The following SYT10 variants were observed in gnomAD, a reference collection of about 807,000 sequenced individuals.
The protein encoded by SYT10 is synaptotagmin 10.
SYT10 carries 31 observed loss-of-function variants against 51.1 expected under a neutral mutation model. The ratio of observed to expected loss-of-function variants is 0.61; its 90% CI spans 0.46 to 0.82. The LOEUF (loss-of-function observed/expected upper bound fraction) is 0.82. Ranked by LOEUF, SYT10 falls within the 40% of genes least tolerant of loss-of-function variation. The pLI is 0.00. For synonymous variants in SYT10, 233 were observed against 225.9 expected (o/e 1.03, Z -0.28); for missense variants, 603 against 634.0 (o/e 0.95, Z 0.53).
At position 33,375,125 on chromosome 12, in the gene SYT10, A is replaced by G. The variant is rs1866051441; in HGVS notation, c.*1705T>C. 6.6e-6 allele frequency: 1 copy of G among 151,998 alleles called. No individual in the cohort carries two copies. The highest frequency in any genetic ancestry group is 2.1e-4 in the South Asian group (1 of 4,836). The allele number at this position is 151,998 out of a possible 1,614,324, so 9.4% of individuals were successfully genotyped here. On this transcript the variant is annotated 3_prime_UTR_variant, in exon 7 of 7. Transcript: ENST00000228567. ...AAATGTTTCCAAACAGCTTTCTTCT[A>G]TTATTTTCAATGAGAAAATGTTAGC...
intron 6 of SYT10, 72 bp downstream of exon 6, chr12:33,379,760 G>T: frequency 1.3e-6 from 2 of 1,567,806 alleles, no homozygotes; most frequent in African/African-American, 1.4e-5. Context: ...ATCAGATAAA[G>T]GTTAGCAAAT....
chr12:33,381,873 C>A (rs7973722), intron 5 of SYT10, among the ~76,000 whole-genome samples: 28,700 of 152,102 alleles, frequency 0.19, 3,044 homozygotes, highest in South Asian at 0.28. Flanking sequence ...TATTCACTTT[C>A]CACTCTTACT....
Position 33,382,367 on chromosome 12 carries a change from G to C in SYT10, c.1352C>G (p.Ala451Gly). ...ENVDQVSLSI[A>G]VMDYDRVGHN... ...CACATACCTATCGTAATCCATGACC[G>C]CAATGGAGAGGCTGACCTGGTCCAC... is the stretch of plus-strand genomic sequence containing the variant. The change falls in exon 5 of 7, where the codon GCG becomes GGG. Residue 451 changes from alanine to glycine, a missense_variant. Coordinates refer to ENST00000228567, the MANE Select transcript of SYT10 (RefSeq NM_198992.4). 6.2e-7 allele frequency: 1 copy of C among 1,606,628 alleles called. No homozygotes were observed. Among genetic ancestry groups the C allele is most frequent in the South Asian group, 1.1e-5 (1 of 89,862 alleles).
At chr12:33,420,404 T>C (rs11610184) in intron 2 of SYT10, among the ~76,000 whole-genome samples, 3,893 of 152,174 alleles carry the variant, frequency 0.026, 68 homozygotes, top group Middle Eastern at 0.044. Flanking sequence ...TGTAGAAGAC[T>C]AGGAGGCTGA....
intron 3 of SYT10, among the ~76,000 whole-genome samples, chr12:33,386,529 C>G (rs1197841290): frequency 6.6e-6 from 1 of 151,754 alleles, no homozygotes; most frequent in East Asian, 1.9e-4. Flanking sequence ...TCTCTTAAAT[C>G]TTTATATGGC....
At chr12:33,387,716 A>G (rs1591982742) in intron 3 of SYT10, among the ~76,000 whole-genome samples, 2 of 151,876 alleles carry the variant, frequency 1.3e-5, no homozygotes, top group East Asian at 3.9e-4. Flanking sequence ...CTACTGCTGA[A>G]GAAGGAACAC....
At chr12:33,418,940 A>G (rs868291155) in intron 2 of SYT10, among the ~76,000 whole-genome samples, 43 of 152,174 alleles carry the variant, frequency 2.8e-4, no homozygotes, top group African/African-American at 1.0e-3. Context: ...TATTACTCAG[A>G]GTAAAAGTCA....
intron 3 of SYT10, among the ~76,000 whole-genome samples, chr12:33,403,537 T>C (rs1237119550): frequency 6.6e-6 from 1 of 152,140 alleles, no homozygotes; most frequent in Non-Finnish European, 1.5e-5. Flanking sequence ...GCCTGGCCAA[T>C]AGTCTTTTAA....
At position 33,439,447 on chromosome 12, in the gene SYT10, C is replaced by T; in HGVS notation, c.76G>A (p.Ala26Thr). Reference sequence around the variant, plus strand: ...CACTTCTCCCACTCCACCTGGCCGGCGAAGCACAGCTCGGTGACGATGTGC... The same window carrying T: ...CACTTCTCCCACTCCACCTGGCCGGTGAAGCACAGCTCGGTGACGATGTGC... ...ALHIVTELCFAGQVEWEKCSG... is the reference protein window; with the variant it reads ...ALHIVTELCFTGQVEWEKCSG... The change falls in exon 1 of 7, where the codon GCC becomes ACC. Residue 26 changes from alanine (A) to threonine (T), a missense_variant. Transcript: ENST00000228567. 6.2e-7 allele frequency: 1 copy of T among 1,614,220 alleles called. No homozygotes were observed. The highest frequency in any genetic ancestry group is 8.5e-7 in the Non-Finnish European group (1 of 1,180,024).
intron 3 of SYT10, among the ~76,000 whole-genome samples, chr12:33,397,217 T>C (rs1287894058): frequency 6.6e-6 from 1 of 152,136 alleles, no homozygotes; most frequent in Non-Finnish European, 1.5e-5. Flanking sequence ...AGGAAACAGA[T>C]GGCACACACA....
intron 4 of SYT10, among the ~76,000 whole-genome samples, chr12:33,384,260 A>G (rs1385637532): frequency 1.3e-5 from 2 of 152,160 alleles, no homozygotes; most frequent in Non-Finnish European, 1.5e-5. Flanking sequence ...CATAATATTC[A>G]TGTTAATTTT....
chr12:33,396,410 A>G (rs776445935), intron 3 of SYT10, among the ~76,000 whole-genome samples: 3 of 152,198 alleles, frequency 2.0e-5, no homozygotes, highest in Non-Finnish European at 4.4e-5. Context: ...TTATATAATT[A>G]ATGGTCACAA....
chr12:33,394,240 A>G (rs1283264376), intron 3 of SYT10, among the ~76,000 whole-genome samples: 4 of 152,214 alleles, frequency 2.6e-5, no homozygotes, highest in Admixed American at 2.6e-4. Context: ...CATGAATAAA[A>G]TGGGTATCCA....
In SYT10 at chr12:33,375,577, T is replaced by C. The variant is rs1439104342; in HGVS notation, c.*1253A>G. 6.6e-6 allele frequency: 1 copy of C among 152,104 alleles called. No individual in the cohort carries two copies. The highest frequency in any genetic ancestry group is 1.5e-5 in the Non-Finnish European group (1 of 67,978). 9.4% of individuals were successfully genotyped at this position (152,104 alleles called of 1,614,324 possible). On this transcript the variant is annotated 3_prime_UTR_variant, in exon 7 of 7. Transcript: ENST00000228567. The stretch of plus-strand genomic sequence containing the variant: ...TGACCTGACTTAAAAGAAAGTTCTG[T>C]CTTGTAAAAACACTTGCATAGTTTT...
At chr12:33,382,601 T>C in intron 4 of SYT10, 81 bp from the exon 5 acceptor site, 1 of 1,339,710 alleles carries the variant, frequency 7.5e-7, no homozygotes, top group Non-Finnish European at 9.9e-7. Flanking sequence ...TTTTACTAAA[T>C]AAGACCTATA....
At chr12:33,381,006 G>C (rs17573213) in intron 5 of SYT10, among the ~76,000 whole-genome samples, 19,182 of 151,866 alleles carry the variant, frequency 0.13, 1,544 homozygotes, top group Admixed American at 0.19. Flanking sequence ...CAAAAATTTT[G>C]TCTTCCTGTG....
At chr12:33,412,579 T>C (rs1357379551) in intron 2 of SYT10, among the ~76,000 whole-genome samples, 1 of 152,066 alleles carries the variant, frequency 6.6e-6, no homozygotes, top group Non-Finnish European at 1.5e-5. Flanking sequence ...TTGAAAGTAA[T>C]GGTAAAAACC....
chr12:33,420,273 A>C (rs1866490964), intron 2 of SYT10, among the ~76,000 whole-genome samples: 1 of 152,158 alleles, frequency 6.6e-6, no homozygotes, highest in South Asian at 2.1e-4. Flanking sequence ...CTTTTAATGT[A>C]TTTCATCATA....
Position 33,426,262 on chromosome 12 carries a change from G to A in SYT10, c.385C>T (p.Pro129Ser), listed in dbSNP as rs201984093. Residue 129 changes from proline to serine, a missense_variant, in exon 2 of 7, where the codon CCT becomes TCT. Physicochemically the swap from Pro to Ser is moderately conservative, Grantham distance 74. Coordinates refer to ENST00000228567, the MANE Select transcript of SYT10 (RefSeq NM_198992.4). Reference sequence around the variant, plus strand: ...GAAGTGTGGCTGATTTTTATTGCAGGCTCAATAGCTTTTACGGCTGGCTTT... The same window carrying A: ...GAAGTGTGGCTGATTTTTATTGCAGACTCAATAGCTTTTACGGCTGGCTTT... ...NEKPAVKAIE[P>S]AIKISHTSPD... 4 of 1,614,068 alleles carry A rather than the reference G, an allele frequency of 2.5e-6. No individual in the cohort carries two copies. Among genetic ancestry groups the A allele is most frequent in the Non-Finnish European group, 3.4e-6 (4 of 1,180,010 alleles).
Sources: allele counts gnomAD v4.1 joint callset (sites outside exome capture counted in the v4.1 genomes callset), GRCh38; gene constraint gnomAD v4.1.1; transcripts MANE v1.5; gene names NCBI Gene and HGNC (gene_info 2026-07-23, HGNC 2026-07-21).